Variants in RGS17 observed in about 807,000 individuals in gnomAD.
RGS17 encodes the protein regulator of G protein signaling 17, also known as regulator of G-protein signaling 17.
In RGS17, 12 loss-of-function variants were observed where a neutral mutation model predicts 25.5. That is an observed-to-expected ratio of 0.47 (90% confidence interval 0.30 to 0.76). The LOEUF (loss-of-function observed/expected upper bound fraction) is 0.76. RGS17 is among the 30% of genes least tolerant of loss of function. RGS17 has a pLI of 0.07. For missense variants in RGS17, 196 were observed against 242.2 expected (o/e 0.81, Z 1.27); for synonymous variants, 71 against 76.9 (o/e 0.92, Z 0.40).
In RGS17 at chr6:153,071,677, T is replaced by C. The variant is rs12665149; in HGVS notation, c.-25-27634A>G. 2.4e-3 allele frequency among the ~76,000 whole-genome samples: 372 copies of C among 152,260 alleles called. 19 individuals carry two copies. The East Asian group carries it at 0.057, about 23-fold the overall frequency. ...CTCAATTTCTGTCTTTGTTATTGGT[T>C]TAGAGAAATAATAACCAATAACAAC... is the stretch of plus-strand genomic sequence containing the variant. On this transcript the variant is annotated intron_variant, in intron 1 of 4. Transcript: ENST00000206262.
intron 1 of RGS17, among the ~76,000 whole-genome samples, chr6:153,113,304 T>G (rs1014930952): frequency 2.0e-5 from 3 of 152,068 alleles, no homozygotes; most frequent in Non-Finnish European, 4.4e-5. Context: ...AAACAGACTT[T>G]AAACCAACAA....
chr6:153,084,972 G>A (rs763422554), intron 1 of RGS17, among the ~76,000 whole-genome samples: 26 of 152,084 alleles, frequency 1.7e-4, no homozygotes, highest in Admixed American at 4.6e-4. Context: ...ATAAGATAAC[G>A]TTACGAAAAT....
At chr6:153,091,044 T>G (rs1019452979) in intron 1 of RGS17, among the ~76,000 whole-genome samples, 1 of 152,112 alleles carries the variant, frequency 6.6e-6, no homozygotes, top group Non-Finnish European at 1.5e-5. Flanking sequence ...AGGATGAAAA[T>G]ATTCATAAAT....
Position 153,056,618 on chromosome 6 carries a change from C to G in RGS17, c.-25-12575G>C, listed in dbSNP as rs554942207. ...TTACATAGATGATTAGACAGAAAAT[C>G]TCTCTTGGTTCTGAGGTTACTATTC... On this transcript the variant is annotated intron_variant, in intron 1 of 4. Coordinates refer to ENST00000206262, the MANE Select transcript of RGS17 (RefSeq NM_012419.5). Among the ~76,000 whole-genome samples the G allele has an allele frequency of 2.0e-5, 3 of 152,254 alleles. No homozygotes were observed. In the East Asian group the frequency reaches 5.8e-4, roughly 29 times the overall value.
rs1491516817 is a variant in RGS17 at position 153,053,976 on chromosome 6, T to TA, written c.-25-9934_-25-9933insT. Among the ~76,000 whole-genome samples the TA allele has an allele frequency of 1.2e-3, 38 of 31,094 alleles. 2 individuals are homozygous for TA. Among genetic ancestry groups the TA allele is most frequent in the Admixed American group, 2.8e-3 (7 of 2,526 alleles). 20.4% of individuals were successfully genotyped at this position (31,094 alleles called of 152,430 possible). On this transcript the variant is annotated intron_variant, in intron 1 of 4. Transcript: ENST00000206262. ...TACATATATATTATATACATATATA[T>TA]GTATATATGTATATAATATATATAC...
chr6:153,030,779 TC>T (rs1029332427), intron 2 of RGS17, among the ~76,000 whole-genome samples: 6 of 152,160 alleles, frequency 3.9e-5, no homozygotes, highest in African/African-American at 1.4e-4. Context: ...CATGCAACAT[TC>T]CCTGGTTGGA....
At chr6:153,042,907 A>G (rs1400336322) in intron 2 of RGS17, among the ~76,000 whole-genome samples, 2 of 152,338 alleles carry the variant, frequency 1.3e-5, no homozygotes, top group East Asian at 3.9e-4. Flanking sequence ...ACTCCAACAT[A>G]TGGGCCTTTC....
chr6:153,036,158 T>C (rs1350500685), intron 2 of RGS17, among the ~76,000 whole-genome samples: 1 of 152,122 alleles, frequency 6.6e-6, no homozygotes, highest in Admixed American at 6.5e-5. Context: ...GCTCAAGCCA[T>C]CCTCCTACAA....
intron 1 of RGS17, among the ~76,000 whole-genome samples, chr6:153,101,617 G>A (rs1777304166): frequency 6.6e-6 from 1 of 152,088 alleles, no homozygotes; most frequent in African/African-American, 2.4e-5. Flanking sequence ...ATATGGTTTG[G>A]CTCTGCGTCC....
At position 153,011,694 on chromosome 6, in the gene RGS17, A is replaced by G. The variant is rs745387913; in HGVS notation, c.513T>C (p.Tyr171=). The G allele has an allele frequency of 6.2e-7, 1 of 1,613,348 alleles. No homozygotes were observed. The highest frequency in any genetic ancestry group is 1.1e-5 in the South Asian group (1 of 91,028). Residue 171 remains tyrosine (Y), a synonymous_variant, in exon 5 of 5, where the codon TAT becomes TAC. Transcript: ENST00000206262. ...RNLLDPNPHM[Y]EDAQLQIYTL... is the part of the protein sequence containing the mutation. ...TATATATCTGAAGTTGGGCATCTTC[A>G]TACATGTGAGGATTGGGATCCAACA...
intron 1 of RGS17, among the ~76,000 whole-genome samples, chr6:153,126,194 C>T (rs528710187): frequency 1.3e-5 from 2 of 152,294 alleles, no homozygotes; most frequent in South Asian, 4.1e-4. Context: ...TCTATGTACT[C>T]CCATCTTTCC....
chr6:153,101,092 T>C (rs867240791), intron 1 of RGS17, among the ~76,000 whole-genome samples: 5 of 152,012 alleles, frequency 3.3e-5, no homozygotes, highest in South Asian at 2.1e-4. Flanking sequence ...TTTAACAAAA[T>C]GAAATCTGAG....
intron 2 of RGS17, among the ~76,000 whole-genome samples, chr6:153,042,459 A>T (rs530746205): frequency 2.6e-5 from 4 of 151,920 alleles, no homozygotes; most frequent in East Asian, 3.9e-4. Context: ...CTGCACATGC[A>T]CTCTTGCCTG....
intron 1 of RGS17, among the ~76,000 whole-genome samples, chr6:153,071,674 G>A (rs891548473): frequency 1.3e-5 from 2 of 152,046 alleles, no homozygotes; most frequent in African/African-American, 4.8e-5. Flanking sequence ...CTTTGTTATT[G>A]GTTTAGAGAA....
At chr6:153,037,382 A>G (rs1049324774) in intron 2 of RGS17, among the ~76,000 whole-genome samples, 3 of 151,760 alleles carry the variant, frequency 2.0e-5, no homozygotes, top group African/African-American at 7.3e-5. Context: ...AATGTTAAAC[A>G]CCTACTAATA....
At chr6:153,080,399 CTCT>C (rs1183312649) in intron 1 of RGS17, among the ~76,000 whole-genome samples, 26 of 152,142 alleles carry the variant, frequency 1.7e-4, no homozygotes, top group Admixed American at 1.3e-3. Context: ...CGCTACCCTC[CTCT>C]TTTTTTCATT....
Position 153,005,022 on chromosome 6 carries a change from C to T in RGS17, c.*6552G>A, listed in dbSNP as rs1779059078. The stretch of plus-strand genomic sequence containing the variant: ...TGAATTCTTTTTAATATTTAGCAAA[C>T]ATTTAAAAATCATATACAAGAAAGG... On this transcript the variant is annotated 3_prime_UTR_variant, in exon 5 of 5. Transcript: ENST00000206262. The T allele has an allele frequency of 6.6e-6, 1 of 152,112 alleles. No homozygotes were observed. The highest frequency in any genetic ancestry group is 6.5e-5 in the Admixed American group (1 of 15,268). The allele number at this position is 152,112 out of a possible 1,614,324, so 9.4% of individuals were successfully genotyped here. A position where few individuals can be genotyped will look rare whatever the true frequency, so the allele number is the denominator to read the frequency against.
intron 3 of RGS17, among the ~76,000 whole-genome samples, chr6:153,025,326 G>GT (rs1163233424): frequency 6.6e-6 from 1 of 151,668 alleles, no homozygotes; most frequent in Admixed American, 6.6e-5. Flanking sequence ...AAAAAAAAAG[G>GT]TTTTTTTCCT....
intron 1 of RGS17, among the ~76,000 whole-genome samples, chr6:153,111,008 A>G (rs915475126): frequency 6.6e-6 from 1 of 151,638 alleles, no homozygotes; most frequent in Non-Finnish European, 1.5e-5. Context: ...AAAACTGGGC[A>G]GCCATTTGGG....
Sources: gnomAD v4.1 joint callset for allele counts (sites outside exome capture counted in the v4.1 genomes callset) on GRCh38, gnomAD v4.1.1 for gene constraint, MANE v1.5 for transcripts, NCBI Gene and HGNC (gene_info 2026-07-23, HGNC 2026-07-21) for gene names.